CHODL: variants seen among roughly 807,000 people sequenced by gnomAD.
The protein encoded by CHODL is chondrolectin.
Under a neutral mutation model 34.5 loss-of-function variants are expected in CHODL, and 29 were observed. That is an observed-to-expected ratio of 0.84 (90% CI 0.63 to 1.15). CHODL has a LOEUF of 1.15. CHODL is among the 50% of genes most tolerant of loss of function. The probability of loss-of-function intolerance (pLI) is 0.00; values close to 1 mark genes in which losing one functional copy is unlikely to be tolerated. For missense variants in CHODL, 332 were observed against 332.5 expected, an observed-to-expected ratio of 1.00 and a Z score of 0.01; for synonymous variants, 125 against 116.1, an observed-to-expected ratio of 1.08 and a Z score of -0.49.
At position 17,971,669 on chromosome 21, in the gene CHODL, C is replaced by T. The variant is rs377589567; in HGVS notation, c.-145+54269C>T. On this transcript the variant is annotated intron_variant, in intron 1 of 6. Transcript: ENST00000400127. ...AATTGAGGCAGTAATTAATAGCCTA[C>T]CAGCCAAAAAAAGCCCAGGACCAGA... Among the ~76,000 whole-genome samples the T allele has an allele frequency of 3.9e-5, 6 of 152,062 alleles. 1 individual carries two copies. The highest frequency in any genetic ancestry group is 1.3e-4 in the Admixed American group (2 of 15,268).
intron 2 of CHODL, among the ~76,000 whole-genome samples, chr21:18,239,090 G>A (rs192768159): frequency 6.6e-6 from 1 of 152,040 alleles, no homozygotes; most frequent in African/African-American, 2.4e-5. Flanking sequence ...AAAGGATCAA[G>A]CAATAGAAAT....
At chr21:18,255,923 C>T (rs1331516543) in intron 1 of CHODL, among the ~76,000 whole-genome samples, 1 of 152,024 alleles carries the variant, frequency 6.6e-6, no homozygotes, top group Non-Finnish European at 1.5e-5. Context: ...TATCTTGTCA[C>T]TTCCAATGTA....
chr21:18,058,238 T>C (rs1225485904), intron 2 of CHODL, among the ~76,000 whole-genome samples: 1 of 152,156 alleles, frequency 6.6e-6, no homozygotes, highest in Non-Finnish European at 1.5e-5. Flanking sequence ...AGGGAACTCT[T>C]ATACACTGTT....
intron 2 of CHODL, among the ~76,000 whole-genome samples, chr21:18,167,259 T>A (rs1251838393): frequency 7.6e-6 from 1 of 132,148 alleles, no homozygotes; most frequent in Non-Finnish European, 1.7e-5. Flanking sequence ...GTGTGTGTAT[T>A]TTGGAAGAAG....
chr21:18,033,632 T>C (rs1263680954), intron 2 of CHODL, among the ~76,000 whole-genome samples: 1 of 152,002 alleles, frequency 6.6e-6, no homozygotes, highest in Non-Finnish European at 1.5e-5. Context: ...GCAGCAGAAA[T>C]GTGGGAGTAA....
chr21:17,932,727 T>A (rs1238063293), intron 1 of CHODL, among the ~76,000 whole-genome samples: 2 of 152,112 alleles, frequency 1.3e-5, no homozygotes, highest in East Asian at 3.9e-4. Flanking sequence ...ACTGAAGGGG[T>A]GCGTTGCCCC....
At chr21:18,182,264 G>T (rs2146678160) in intron 2 of CHODL, among the ~76,000 whole-genome samples, 1 of 152,208 alleles carries the variant, frequency 6.6e-6, no homozygotes, top group South Asian at 2.1e-4. Context: ...TTGAGGTTCA[G>T]ACAATTTAAG....
chr21:18,193,703 A>T (rs1404743547), intron 2 of CHODL, among the ~76,000 whole-genome samples: 5 of 145,946 alleles, frequency 3.4e-5, no homozygotes, highest in African/African-American at 1.3e-4. Context: ...CTCAGAAAAA[A>T]AAAAAAATAA....
rs575216686 is a variant in CHODL, at chr21:18,256,545, G to T, written c.116G>T (p.Cys39Phe). Residue 39 changes from cysteine (C) to phenylalanine (F), a missense_variant, in exon 2 of 6, where the codon TGC becomes TTC. Physicochemically the swap from Cys to Phe is radical, Grantham distance 205. Coordinates refer to ENST00000299295, the MANE Select transcript of CHODL (RefSeq NM_024944.3). Reference sequence around the variant, plus strand: ...TGTTTTGCTGACTTCAAGCATCCCTGCTACAAAATGGCCTACTTCCATGAA... The same window carrying T: ...TGTTTTGCTGACTTCAAGCATCCCTTCTACAAAATGGCCTACTTCCATGAA... Reference protein sequence around the residue: ...KVCFADFKHPCYKMAYFHELS... With the variant: ...KVCFADFKHPFYKMAYFHELS... 6.2e-7 allele frequency: 1 copy of T among 1,611,388 alleles called. No homozygotes were observed. The highest frequency in any genetic ancestry group is 2.2e-5 in the East Asian group (1 of 44,798).
intron 2 of CHODL, among the ~76,000 whole-genome samples, chr21:18,040,691 A>G (rs1304234860): frequency 6.6e-6 from 1 of 151,896 alleles, no homozygotes; most frequent in Non-Finnish European, 1.5e-5. Context: ...AGACTGTTAT[A>G]GGTAATCAAA....
At chr21:18,231,727 G>A (rs1033225866) in intron 2 of CHODL, among the ~76,000 whole-genome samples, 6 of 151,802 alleles carry the variant, frequency 4.0e-5, no homozygotes, top group South Asian at 2.1e-4. Context: ...TTTCTTTTCC[G>A]TCTGTTTGCT....
chr21:18,000,758 A>G (rs962941761), intron 1 of CHODL, among the ~76,000 whole-genome samples: 3 of 152,198 alleles, frequency 2.0e-5, no homozygotes, highest in African/African-American at 7.2e-5. Flanking sequence ...AAATTATTAA[A>G]GGGGTCTCAT....
chr21:17,983,636 T>C (rs184534264), intron 1 of CHODL, among the ~76,000 whole-genome samples: 1 of 152,354 alleles, frequency 6.6e-6, no homozygotes. Context: ...AGATTGAATT[T>C]ATTTCATATA....
At chr21:17,934,753 T>C (rs1299833555) in intron 1 of CHODL, among the ~76,000 whole-genome samples, 4 of 152,180 alleles carry the variant, frequency 2.6e-5, no homozygotes, top group Non-Finnish European at 4.4e-5. Context: ...AAATATCTTA[T>C]TTTTTATTAT....
intron 1 of CHODL, among the ~76,000 whole-genome samples, chr21:18,014,757 G>T (rs2146417686): frequency 6.6e-6 from 1 of 152,284 alleles, no homozygotes; most frequent in African/African-American, 2.4e-5. Flanking sequence ...GCTTCCTGAG[G>T]TCTCTTCAGA....
At chr21:18,202,005 C>T (rs1339261172) in intron 2 of CHODL, among the ~76,000 whole-genome samples, 6 of 151,972 alleles carry the variant, frequency 3.9e-5, no homozygotes, top group Middle Eastern at 3.4e-3. Flanking sequence ...CGGGGCTTCA[C>T]CATGTTAGCC....
chr21:18,030,157 A>G (rs1301474324), intron 2 of CHODL, among the ~76,000 whole-genome samples: 1 of 152,112 alleles, frequency 6.6e-6, no homozygotes, highest in African/African-American at 2.4e-5. Context: ...AAGTGATGGG[A>G]TGTTACTCTT....
chr21:18,076,453 G>A (rs1232372204), intron 2 of CHODL, among the ~76,000 whole-genome samples: 1 of 152,166 alleles, frequency 6.6e-6, no homozygotes, highest in African/African-American at 2.4e-5. Flanking sequence ...TAAGCAAAAT[G>A]TTGAAGGTAT....
At chr21:18,012,001 C>T (rs1031842773) in intron 1 of CHODL, among the ~76,000 whole-genome samples, 2 of 152,202 alleles carry the variant, frequency 1.3e-5, no homozygotes, top group Admixed American at 1.3e-4. Flanking sequence ...CTATGTGCAT[C>T]TTTAATATTC....
Sources: allele counts gnomAD v4.1 joint callset (sites outside exome capture counted in the v4.1 genomes callset), GRCh38; gene constraint gnomAD v4.1.1; transcripts MANE v1.5; gene names NCBI Gene and HGNC (gene_info 2026-07-23, HGNC 2026-07-21).